The following PICALM variants were observed in gnomAD, a reference collection of about 807,000 sequenced individuals.
PICALM encodes the protein phosphatidylinositol-binding clathrin assembly protein.
PICALM carries 40 observed loss-of-function variants against 80.5 expected under a neutral mutation model. The observed-to-expected ratio is 0.50, with a 90% CI of 0.39 to 0.65. The LOEUF is 0.65. Ranked by LOEUF, PICALM falls within the 30% of genes least tolerant of loss-of-function variation. The pLI is 0.00. For synonymous variants in PICALM, 288 were observed against 260.3 expected (o/e 1.11, Z -1.02); for missense variants, 676 against 778.9 (o/e 0.87, Z 1.57).
intron 1 of PICALM, 145 bp downstream of exon 1, chr11:86,068,505 AG>A (rs1274411984): frequency 4.2e-6 from 3 of 709,892 alleles, no homozygotes; most frequent in Non-Finnish European, 6.8e-6. Flanking sequence ...AAAAGAACAC[AG>A]CTCAACGGGC....
intron 13 of PICALM, among the ~76,000 whole-genome samples, chr11:85,987,555 G>C (rs670606): frequency 1.3e-5 from 2 of 152,170 alleles, no homozygotes; most frequent in African/African-American, 4.8e-5. Flanking sequence ...TCAATGTTTA[G>C]GATTTTAGTT....
Position 86,011,022 on chromosome 11 carries a change from C to CA in PICALM, c.765+7dup. On this transcript the variant is annotated splice_region_variant and intron_variant, in intron 7 of 19. Transcript: ENST00000393346. ...AAGTTAGGAGACAGTCACTTAAAGA[C>CA]AGTTTACCTCTGCAACTTTGAGGAA... The CA allele has an allele frequency of 7.7e-7, 1 of 1,298,852 alleles. No homozygotes were observed. The highest frequency in any genetic ancestry group is 1.1e-6 in the Non-Finnish European group (1 of 904,694). 80.5% of individuals were successfully genotyped at this position (1,298,852 alleles called of 1,614,324 possible).
chr11:86,040,003 C>CA (rs752086947), intron 1 of PICALM, among the ~76,000 whole-genome samples: 9,107 of 51,284 alleles, frequency 0.18, 596 homozygotes, highest in Non-Finnish European at 0.24. Flanking sequence ...GACGCCGTCT[C>CA]AAAAAAAAAA....
intron 19 of PICALM, among the ~76,000 whole-genome samples, chr11:85,960,104 C>A (rs1366181022): frequency 6.6e-6 from 1 of 152,046 alleles, no homozygotes; most frequent in East Asian, 1.9e-4. Context: ...TTTTTATTAA[C>A]ATAAATAAGA....
chr11:86,028,916 C>A (rs1042417140), intron 2 of PICALM, among the ~76,000 whole-genome samples: 1 of 151,134 alleles, frequency 6.6e-6, no homozygotes, highest in African/African-American at 2.4e-5. Flanking sequence ...TCGCTCACTG[C>A]AACCTCCGCT....
chr11:86,019,140 AAT>A (rs1219387010), intron 4 of PICALM, among the ~76,000 whole-genome samples: 3 of 152,200 alleles, frequency 2.0e-5, no homozygotes, highest in Non-Finnish European at 4.4e-5. Context: ...CATAAAAAAA[AAT>A]CTTAATAAAT....
At position 85,958,440 on chromosome 11, in the gene PICALM, T is replaced by C. The variant is rs900956582; in HGVS notation, c.*606A>G. On this transcript the variant is annotated 3_prime_UTR_variant, in exon 20 of 20. Transcript: ENST00000393346. The stretch of plus-strand genomic sequence containing the variant: ...TCAAACATACTGTGCACATCCATAC[T>C]CATTTTCATAAGGAGGTCTGATACA... 6 of 211,208 alleles carry C rather than the reference T, an allele frequency of 2.8e-5. No homozygotes were observed. The Admixed American group carries it at 2.9e-4, about 10-fold the overall frequency. The allele number at this position is 211,208 out of a possible 1,614,324, so 13.1% of individuals were successfully genotyped here. A position where few individuals can be genotyped will look rare whatever the true frequency, so the allele number is the denominator to read the frequency against.
At chr11:85,996,991 C>T in intron 11 of PICALM, 62 bp from the exon 12 acceptor site, 2 of 871,030 alleles carry the variant, frequency 2.3e-6, no homozygotes, top group Non-Finnish European at 3.8e-6. Flanking sequence ...TTTAGTGTCA[C>T]CTTCTCCACC....
intron 19 of PICALM, among the ~76,000 whole-genome samples, chr11:85,966,307 A>G (rs933328380): frequency 6.6e-5 from 10 of 152,136 alleles, no homozygotes; most frequent in African/African-American, 2.4e-4. Flanking sequence ...CCTGGGCTCA[A>G]GTGATCCTTC....
At chr11:86,064,814 C>T (rs1477619780) in intron 1 of PICALM, among the ~76,000 whole-genome samples, 1 of 151,636 alleles carries the variant, frequency 6.6e-6, no homozygotes. Context: ...TGGCTCACAC[C>T]TGTAATCCCA....
intron 1 of PICALM, among the ~76,000 whole-genome samples, chr11:86,041,114 T>C (rs1207391796): frequency 6.6e-6 from 1 of 152,206 alleles, no homozygotes; most frequent in Non-Finnish European, 1.5e-5. Flanking sequence ...CTAGCTCATA[T>C]ATCAGTCTCT....
chr11:86,062,231 C>A (rs143913098), intron 1 of PICALM, among the ~76,000 whole-genome samples: 11 of 152,166 alleles, frequency 7.2e-5, no homozygotes, highest in African/African-American at 2.2e-4. Context: ...CAAGAGTAAA[C>A]CTTGGCCGGG....
At chr11:85,966,947 T>C (rs897835386) in intron 19 of PICALM, among the ~76,000 whole-genome samples, 5 of 152,240 alleles carry the variant, frequency 3.3e-5, no homozygotes, top group South Asian at 2.1e-4. Context: ...CCAGAAGTGA[T>C]AGAAAACAAA....
chr11:86,016,440 C>T (rs1468592695), intron 4 of PICALM, among the ~76,000 whole-genome samples: 1 of 152,234 alleles, frequency 6.6e-6, no homozygotes, highest in African/African-American at 2.4e-5. Context: ...AATGTTTCAA[C>T]TCCACCACTA....
In PICALM at chr11:85,957,423, C is replaced by T. The variant is rs1035925555; in HGVS notation, c.*1623G>A. Among the ~76,000 whole-genome samples the T allele has an allele frequency of 1.3e-5, 2 of 152,148 alleles. No homozygotes were observed. The highest frequency in any genetic ancestry group is 4.8e-5 in the African/African-American group (2 of 41,444). ...AACTGCGTATTTTCCCTTAAACTTA[C>T]CTGACTAAAGGCATCTGATCAAAAG... On this transcript the variant is annotated 3_prime_UTR_variant, in exon 20 of 20. Coordinates refer to ENST00000393346, the MANE Select transcript of PICALM (RefSeq NM_007166.4).
intron 8 of PICALM, among the ~76,000 whole-genome samples, chr11:86,004,293 CA>C (rs541878429): frequency 6.6e-6 from 1 of 151,810 alleles, no homozygotes; most frequent in African/African-American, 2.4e-5. Context: ...ATACGATGAG[CA>C]AAAAAAGCCA....
At chr11:86,010,928 A>C (rs1029321912) in intron 7 of PICALM, 102 bp downstream of exon 7, 31 of 659,282 alleles carry the variant, frequency 4.7e-5, no homozygotes, top group Admixed American at 9.6e-5. Flanking sequence ...TGAATACTAA[A>C]TTGAAGACAT....
At chr11:86,022,863 AT>A (rs2095589987) in intron 3 of PICALM, among the ~76,000 whole-genome samples, 1 of 152,132 alleles carries the variant, frequency 6.6e-6, no homozygotes, top group African/African-American at 2.4e-5. Flanking sequence ...ACTTTATATA[AT>A]TTTTATACTC....
At chr11:86,031,701 TAACACAAA>T in intron 1 of PICALM, 90 bp from the exon 2 acceptor site, 1 of 874,068 alleles carries the variant, frequency 1.1e-6, no homozygotes, top group Non-Finnish European at 1.7e-6. Flanking sequence ...GCAAAAGATT[TAACACAAA>T]GTGGAGCAGT....
Sources: allele counts gnomAD v4.1 joint callset (sites outside exome capture counted in the v4.1 genomes callset), GRCh38; gene constraint gnomAD v4.1.1; transcripts MANE v1.5; gene names NCBI Gene and HGNC (gene_info 2026-07-23, HGNC 2026-07-21).